The following CTNNA3 variants were observed in gnomAD, a reference collection of about 807,000 sequenced individuals.
CTNNA3 encodes the protein catenin alpha-3.
A neutral mutation model predicts 95.7 loss-of-function variants in CTNNA3; 76 were observed. The ratio of observed to expected loss-of-function variants is 0.79; its 90% CI spans 0.66 to 0.96. CTNNA3 has a LOEUF of 0.96. Ranked by LOEUF, CTNNA3 falls within the 40% of genes least tolerant of loss-of-function variation. The pLI is 0.00. For synonymous variants in CTNNA3, 431 were observed against 374.4 expected, an observed-to-expected ratio of 1.15 and a Z score of -1.74; for missense variants, 1,191 against 1,089.8, an observed-to-expected ratio of 1.09 and a Z score of -1.31.
chr10:67,515,402 A>G (rs1194161869), intron 5 of CTNNA3, among the ~76,000 whole-genome samples: 2 of 152,222 alleles, frequency 1.3e-5, no homozygotes, highest in African/African-American at 4.8e-5. Flanking sequence ...ATGTAACATC[A>G]CATTCTTTTC....
chr10:67,522,646 A>C (rs896356382), intron 4 of CTNNA3, among the ~76,000 whole-genome samples: 1 of 151,790 alleles, frequency 6.6e-6, no homozygotes, highest in African/African-American at 2.4e-5. Flanking sequence ...GTTCTGCTGA[A>C]TCAGAATGCT....
intron 9 of CTNNA3, among the ~76,000 whole-genome samples, chr10:66,692,712 G>C (rs909534117): frequency 5.3e-5 from 8 of 152,124 alleles, no homozygotes; most frequent in African/African-American, 1.9e-4. Context: ...CAGCCAGAGA[G>C]AAAGGTCGGG....
At chr10:67,021,179 G>T (rs1273649082) in intron 7 of CTNNA3, among the ~76,000 whole-genome samples, 1 of 152,066 alleles carries the variant, frequency 6.6e-6, no homozygotes, top group Non-Finnish European at 1.5e-5. Context: ...AAAGTATCAA[G>T]ATCAGAAAAG....
chr10:66,134,383 A>G (rs1276335664), intron 13 of CTNNA3, among the ~76,000 whole-genome samples: 2 of 152,142 alleles, frequency 1.3e-5, no homozygotes, highest in Non-Finnish European at 2.9e-5. Context: ...CAATTTCTAT[A>G]AAAAATCTGT....
At chr10:66,598,729 T>C (rs998146688) in intron 10 of CTNNA3, among the ~76,000 whole-genome samples, 2 of 151,540 alleles carry the variant, frequency 1.3e-5, no homozygotes, top group African/African-American at 4.8e-5. Context: ...CTAGAAAAAA[T>C]TGATGAAAGA....
intron 11 of CTNNA3, among the ~76,000 whole-genome samples, chr10:66,422,876 T>A (rs61867356): frequency 6.6e-6 from 1 of 151,508 alleles, no homozygotes; most frequent in Non-Finnish European, 1.5e-5. Context: ...GTGATCCACC[T>A]CCCTCGGCCT....
chr10:66,962,421 T>G (rs553579857), intron 7 of CTNNA3, among the ~76,000 whole-genome samples: 1 of 151,708 alleles, frequency 6.6e-6, no homozygotes, highest in East Asian at 1.9e-4. Flanking sequence ...TGTTTTTGTT[T>G]TTTTTTTGAG....
intron 16 of CTNNA3, among the ~76,000 whole-genome samples, chr10:65,973,428 A>T (rs1372797085): frequency 6.6e-6 from 1 of 152,158 alleles, no homozygotes; most frequent in African/African-American, 2.4e-5. Context: ...AATGGAAGAA[A>T]ATATTTGCAA....
chr10:66,927,674 G>A lies in CTNNA3; in HGVS notation c.1048-152150C>T. The stretch of plus-strand genomic sequence containing the variant: ...GGACAGACCATGTCCTGGACCTGGA[G>A]CTCCTTACAAAGGCTTGATTTATCA... On this transcript the variant is annotated intron_variant, in intron 7 of 17. Transcript: ENST00000433211. This position sits in a 1 kb window ranked among gnomAD's most constrained non-coding sequence, Gnocchi z 4.7. 3.1e-6 allele frequency: 5 copies of A among 1,614,146 alleles called. No individual in the cohort carries two copies. Among genetic ancestry groups the A allele is most frequent in the Middle Eastern group, 1.6e-4 (1 of 6,062 alleles).
At chr10:67,179,389 T>C (rs1862396892) in intron 7 of CTNNA3, among the ~76,000 whole-genome samples, 2 of 151,470 alleles carry the variant, frequency 1.3e-5, no homozygotes, top group South Asian at 2.1e-4. Context: ...TGAAGAGATA[T>C]GTATTTCATA....
At chr10:66,444,278 A>C (rs1212884919) in intron 11 of CTNNA3, among the ~76,000 whole-genome samples, 3 of 152,186 alleles carry the variant, frequency 2.0e-5, no homozygotes, top group Non-Finnish European at 4.4e-5. Context: ...GAACTTCCCC[A>C]GTCTAGCAAG....
chr10:66,119,011 G>C (rs1589454486), intron 13 of CTNNA3, among the ~76,000 whole-genome samples: 2 of 151,874 alleles, frequency 1.3e-5, no homozygotes, highest in East Asian at 3.9e-4. Context: ...CAAAATGCTG[G>C]GATTACAGGG....
intron 7 of CTNNA3, among the ~76,000 whole-genome samples, chr10:66,995,480 C>T (rs1177338236): frequency 6.6e-6 from 1 of 152,194 alleles, no homozygotes; most frequent in Non-Finnish European, 1.5e-5. Flanking sequence ...AAACATTCAC[C>T]AAGTGATCTT....
intron 10 of CTNNA3, among the ~76,000 whole-genome samples, chr10:66,573,751 T>G (rs1039106842): frequency 6.6e-6 from 1 of 152,176 alleles, no homozygotes; most frequent in Non-Finnish European, 1.5e-5. Flanking sequence ...TTATAATGAA[T>G]TAGGCATTAA....
rs150552467 is a variant in CTNNA3 at position 67,200,148 on chromosome 10, A to G, written c.843+19459T>C. Among the ~76,000 whole-genome samples, 439 of 152,230 alleles carry G rather than the reference A, an allele frequency of 2.9e-3. 3 individuals are homozygous for G. The highest frequency in any genetic ancestry group is 9.7e-3 in the African/African-American group (403 of 41,540). ...ATTGGGTCCTGATGAAAACTAATAT[A>G]GGAAGAAATTGGCTGAATTTTTTCT... On this transcript the variant is annotated intron_variant, in intron 6 of 17. Transcript: ENST00000433211.
At chr10:67,184,044 C>T (rs1862715066) in intron 6 of CTNNA3, among the ~76,000 whole-genome samples, 1 of 152,018 alleles carries the variant, frequency 6.6e-6, no homozygotes, top group African/African-American at 2.4e-5. Flanking sequence ...GCAAAATTGC[C>T]CTTGTTTAAT....
At chr10:66,133,490 T>A (rs1263572708) in intron 13 of CTNNA3, among the ~76,000 whole-genome samples, 1 of 149,702 alleles carries the variant, frequency 6.7e-6, no homozygotes, top group Non-Finnish European at 1.5e-5. Flanking sequence ...TACAGCCTGG[T>A]CGACAGAGTG....
intron 5 of CTNNA3, among the ~76,000 whole-genome samples, chr10:67,426,189 T>C (rs1460681160): frequency 6.6e-6 from 1 of 152,050 alleles, no homozygotes; most frequent in East Asian, 1.9e-4. Flanking sequence ...AGATTTATAT[T>C]CTAGGATAAT....
chr10:67,259,071 C>T (rs1866476833), intron 5 of CTNNA3, among the ~76,000 whole-genome samples: 1 of 151,646 alleles, frequency 6.6e-6, no homozygotes, highest in South Asian at 2.1e-4. Context: ...CTCTTTTTCC[C>T]CACATATTTT....
Sources: allele counts gnomAD v4.1 joint callset (sites outside exome capture counted in the v4.1 genomes callset), GRCh38; gene constraint gnomAD v4.1.1; non-coding constraint Gnocchi (gnomAD v3.1); transcripts MANE v1.5; gene names NCBI Gene and HGNC (gene_info 2026-07-23, HGNC 2026-07-21).